The following KLRG1 variants were observed in gnomAD, a reference collection of about 807,000 sequenced individuals.
The protein encoded by KLRG1 is killer cell lectin like receptor G1, also known as killer cell lectin-like receptor subfamily G member 1.
KLRG1 carries 16 observed loss-of-function variants against 21.8 expected under a neutral mutation model. The ratio of observed to expected loss-of-function variants is 0.73; its 90% CI spans 0.50 to 1.11. The LOEUF (loss-of-function observed/expected upper bound fraction) is 1.11. Among genes scored for constraint, KLRG1 ranks in the 50% most tolerant of loss-of-function variants. The pLI is 0.00. For missense variants in KLRG1, 173 were observed against 218.3 expected (o/e 0.79, Z 1.31); for synonymous variants, 69 against 75.9 (o/e 0.91, Z 0.47).
At chr12:9,180,131 T>A in the KLRG1 span, among the ~76,000 whole-genome samples, 1 of 152,150 alleles carries the variant, frequency 6.6e-6, no homozygotes, top group Non-Finnish European at 1.5e-5. Flanking sequence ...GGCTTATTTA[T>A]TTATTTATTT....
At chr12:9,158,699 A>G in the KLRG1 span, 2 of 865,968 alleles carry the variant, frequency 2.3e-6, no homozygotes, top group Non-Finnish European at 3.2e-6. Flanking sequence ...TGTTACTGAG[A>G]GTTTGGAGAC....
the KLRG1 span, chr12:9,036,633 T>A: frequency 4.9e-6 from 1 of 204,662 alleles, no homozygotes; most frequent in Non-Finnish European, 1.0e-5. Flanking sequence ...GGAACAGAAA[T>A]CACAATTGGA....
At chr12:8,971,560 C>A (rs1946568062) in intron 1 of KLRG1, among the ~76,000 whole-genome samples, 1 of 151,684 alleles carries the variant, frequency 6.6e-6, no homozygotes, top group Admixed American at 6.6e-5. Flanking sequence ...CTGCAACCCC[C>A]CCACCACCCC....
At chr12:8,962,251 C>T (rs1234673294) in intron 1 of KLRG1, among the ~76,000 whole-genome samples, 1 of 151,890 alleles carries the variant, frequency 6.6e-6, no homozygotes, top group African/African-American at 2.4e-5. Context: ...GAAAATTGAA[C>T]ATGGTGAAGA....
At chr12:9,042,249 G>C in the KLRG1 span, among the ~76,000 whole-genome samples, 23 of 152,202 alleles carry the variant, frequency 1.5e-4, no homozygotes, top group African/African-American at 5.3e-4. Flanking sequence ...CTAGAATCTA[G>C]AGGCAACACA....
intron 3 of KLRG1, among the ~76,000 whole-genome samples, chr12:8,999,801 G>T (rs1350793576): frequency 1.3e-5 from 2 of 152,204 alleles, no homozygotes; most frequent in East Asian, 3.8e-4. Context: ...CACTTTGGGA[G>T]GCCGAGATGG....
chr12:9,120,535 C>T, the KLRG1 span, among the ~76,000 whole-genome samples: 1 of 152,188 alleles, frequency 6.6e-6, no homozygotes, highest in Non-Finnish European at 1.5e-5. Context: ...TGCTATAGTG[C>T]TTCCCAGGAA....
the KLRG1 span, among the ~76,000 whole-genome samples, chr12:9,052,004 T>G: frequency 6.6e-6 from 1 of 152,208 alleles, no homozygotes; most frequent in Non-Finnish European, 1.5e-5. Flanking sequence ...TGTCCATTTG[T>G]TGGGGAGCCC....
At chr12:8,967,413 A>G (rs1946494272) in intron 1 of KLRG1, among the ~76,000 whole-genome samples, 1 of 152,184 alleles carries the variant, frequency 6.6e-6, no homozygotes, top group Non-Finnish European at 1.5e-5. Context: ...TTAATTTTTA[A>G]AGATATCTCT....
the KLRG1 span, chr12:9,112,624 G>T: frequency 6.9e-7 from 1 of 1,455,152 alleles, no homozygotes; most frequent in Non-Finnish European, 9.5e-7. Context: ...TGGAGATCTT[G>T]CCCTTCTTAC....
the KLRG1 span, chr12:9,192,076 C>A: frequency 4.9e-6 from 4 of 824,412 alleles, no homozygotes; most frequent in South Asian, 4.8e-5. Flanking sequence ...TATTTTCCTG[C>A]GTGTCCTCCT....
At chr12:9,145,525 T>G in the KLRG1 span, among the ~76,000 whole-genome samples, 1 of 152,210 alleles carries the variant, frequency 6.6e-6, no homozygotes, top group African/African-American at 2.4e-5. Context: ...TATTTTAGTT[T>G]GTTATTTTTA....
the KLRG1 span, chr12:9,059,010 C>T: frequency 2.0e-5 from 3 of 152,410 alleles, no homozygotes; most frequent in Non-Finnish European, 4.4e-5. Context: ...TAAATGAGTT[C>T]GAAGACACTT....
At chr12:8,998,818 T>C (rs1468826336) in intron 3 of KLRG1, among the ~76,000 whole-genome samples, 3 of 152,180 alleles carry the variant, frequency 2.0e-5, no homozygotes, top group African/African-American at 7.2e-5. Context: ...TGTCTTCTGG[T>C]TTCTTTTCTA....
chr12:9,103,487 G>A, the KLRG1 span, among the ~76,000 whole-genome samples: 1 of 152,074 alleles, frequency 6.6e-6, no homozygotes, highest in African/African-American at 2.4e-5. Context: ...GTAGTATTAA[G>A]TATATCTGTT....
At chr12:9,069,133 A>G in the KLRG1 span, 1 of 225,848 alleles carries the variant, frequency 4.4e-6, no homozygotes, top group African/African-American at 2.3e-5. Context: ...TTCATTTTTT[A>G]ATATCCAGAG....
At chr12:9,120,193 A>C in the KLRG1 span, among the ~76,000 whole-genome samples, 1 of 152,256 alleles carries the variant, frequency 6.6e-6, no homozygotes, top group South Asian at 2.1e-4. Flanking sequence ...GTTTCGCTAT[A>C]GGAACAGCAT....
chr12:9,108,034 C>T, the KLRG1 span, among the ~76,000 whole-genome samples: 5 of 152,114 alleles, frequency 3.3e-5, no homozygotes, highest in Admixed American at 2.0e-4. Flanking sequence ...ACTATTAGTA[C>T]GATAGTGTCT....
chr12:9,108,601 A>C, the KLRG1 span, among the ~76,000 whole-genome samples: 1 of 152,180 alleles, frequency 6.6e-6, no homozygotes, highest in Admixed American at 6.5e-5. Context: ...ACAGAACTGG[A>C]GCAGGGGCCT....
Sources: allele counts gnomAD v4.1 joint callset (sites outside exome capture counted in the v4.1 genomes callset), GRCh38; gene constraint gnomAD v4.1.1; transcripts MANE v1.5; gene names NCBI Gene and HGNC (gene_info 2026-07-23, HGNC 2026-07-21).